Variants in TMEM132E observed in about 807,000 individuals in gnomAD.
TMEM132E encodes transmembrane protein 132E.
A neutral mutation model predicts 78.5 loss-of-function variants in TMEM132E; 49 were observed. That is an observed-to-expected ratio of 0.62 (90% confidence interval 0.50 to 0.79). TMEM132E has a LOEUF of 0.79. TMEM132E is among the 30% of genes least tolerant of loss of function. TMEM132E has a pLI of 0.00. For missense variants in TMEM132E, 1,403 were observed against 1,470.9 expected, an observed-to-expected ratio of 0.95 and a Z score of 0.75; for synonymous variants, 715 against 670.6, an observed-to-expected ratio of 1.07 and a Z score of -1.02.
In TMEM132E at chr17:34,626,260, G is replaced by T; in HGVS notation, c.201G>T (p.Ala67=). Residue 67 remains alanine, a synonymous_variant, in exon 2 of 9, where the codon GCG becomes GCT. Transcript: ENST00000631683. ...GGGAGGCGCGGCCCCCGTCACCCGCGGTCGCCAACAGCTCTCTGCAGCGCT... is the reference window on the plus strand; with the variant it reads ...GGGAGGCGCGGCCCCCGTCACCCGCTGTCGCCAACAGCTCTCTGCAGCGCT... ...FLREARPPSP[A]VANSSLQRSE... The T allele has an allele frequency of 6.2e-7, 1 of 1,603,462 alleles. No individual in the cohort carries two copies. Among genetic ancestry groups the T allele is most frequent in the South Asian group, 1.1e-5 (1 of 89,268 alleles).
chr17:34,623,407 C>T (rs567623120), intron 1 of TMEM132E, among the ~76,000 whole-genome samples: 4 of 150,606 alleles, frequency 2.7e-5, no homozygotes, highest in Non-Finnish European at 4.4e-5. Flanking sequence ...CCGCTCCCCC[C>T]CCCCCCCCCG....
intron 1 of TMEM132E, among the ~76,000 whole-genome samples, chr17:34,595,289 G>A (rs2142055398): frequency 6.6e-6 from 1 of 152,364 alleles, no homozygotes; most frequent in South Asian, 2.1e-4. Flanking sequence ...TTACCTGTAA[G>A]GTGGTCTATA....
rs115481499 is a variant in TMEM132E, at chr17:34,586,119, C to T, written c.67+4976C>T. 5.5e-3 allele frequency among the ~76,000 whole-genome samples: 836 copies of T among 152,112 alleles called. 10 individuals carry two copies. Among genetic ancestry groups the T allele is most frequent in the African/African-American group, 0.019 (802 of 41,474 alleles). ...CCTCATCTTTCTCTGTCAGAGCACA[C>T]GCCTCTCTCCCCAAGCACACGCCTC... is the stretch of plus-strand genomic sequence containing the variant. On this transcript the variant is annotated intron_variant, in intron 1 of 8. Coordinates refer to ENST00000631683, the MANE Select transcript of TMEM132E (RefSeq NM_001304438.2).
At chr17:34,608,505 C>T (rs946116274) in intron 1 of TMEM132E, among the ~76,000 whole-genome samples, 6 of 152,136 alleles carry the variant, frequency 3.9e-5, no homozygotes, top group East Asian at 1.9e-4. Flanking sequence ...GTGCTGTGGC[C>T]GTTATTATTG....
chr17:34,591,593 G>A (rs946839497), intron 1 of TMEM132E, among the ~76,000 whole-genome samples: 2 of 152,362 alleles, frequency 1.3e-5, no homozygotes, highest in Admixed American at 1.3e-4. Flanking sequence ...TTATAGGCAT[G>A]AGCCACCACA....
chr17:34,617,626 A>G lies in TMEM132E; in HGVS notation c.68-8501A>G, dbSNP rs570333680. Among the ~76,000 whole-genome samples, 181 of 152,344 alleles carry G rather than the reference A, an allele frequency of 1.2e-3. 1 individual carries two copies. The highest frequency in any genetic ancestry group is 1.9e-3 in the Non-Finnish European group (131 of 68,032). ...CTGTGAAATAGGTTCTAAGCTCTTC[A>G]TTTCACAGGTATGGAAATTGAGGCT... is the stretch of plus-strand genomic sequence containing the variant. On this transcript the variant is annotated intron_variant, in intron 1 of 8. Transcript: ENST00000631683.
chr17:34,616,245 C>G (rs578196874), intron 1 of TMEM132E, among the ~76,000 whole-genome samples: 1 of 152,210 alleles, frequency 6.6e-6, no homozygotes, highest in South Asian at 2.1e-4. Context: ...GGAGGGGCGC[C>G]CCTCCTGCTG....
In TMEM132E at chr17:34,598,638, T is replaced by C. The variant is rs117480679; in HGVS notation, c.67+17495T>C. On this transcript the variant is annotated intron_variant, in intron 1 of 8. Transcript: ENST00000631683. Reference sequence around the variant, plus strand: ...TTTGTCATCCTCCCTGCACTCCCTTTGATGTGCAGAAGGTGGAAGGAGGAG... The same window carrying C: ...TTTGTCATCCTCCCTGCACTCCCTTCGATGTGCAGAAGGTGGAAGGAGGAG... Among the ~76,000 whole-genome samples the C allele has an allele frequency of 5.1e-4, 77 of 152,326 alleles. 1 individual carries two copies. In the East Asian group the frequency reaches 0.014, roughly 28 times the overall value.
At chr17:34,624,912 T>C (rs901708261) in intron 1 of TMEM132E, among the ~76,000 whole-genome samples, 1 of 152,248 alleles carries the variant, frequency 6.6e-6, no homozygotes, top group African/African-American at 2.4e-5. Context: ...ATTACTGTTA[T>C]CATTGTCCTG....
chr17:34,596,973 G>C (rs756094269), intron 1 of TMEM132E, among the ~76,000 whole-genome samples: 19 of 151,150 alleles, frequency 1.3e-4, no homozygotes, highest in African/African-American at 4.6e-4. Flanking sequence ...CCATCCCACC[G>C]AGCATCCAGA....
chr17:34,615,966 A>G (rs1265788579), intron 1 of TMEM132E, among the ~76,000 whole-genome samples: 1 of 152,180 alleles, frequency 6.6e-6, no homozygotes, highest in African/African-American at 2.4e-5. Context: ...TCAGTGAAAA[A>G]GGGGCTATTC....
At chr17:34,596,453 G>A (rs1280867532) in intron 1 of TMEM132E, among the ~76,000 whole-genome samples, 2 of 152,214 alleles carry the variant, frequency 1.3e-5, no homozygotes, top group East Asian at 1.9e-4. Context: ...AATCCTCTAG[G>A]CCTCCAGCCC....
rs747755755 is a variant in TMEM132E, at chr17:34,638,166, C to T, written c.3159C>T (p.Gly1053=). The change falls in exon 9 of 9, where the codon GGC becomes GGT. Residue 1053 remains glycine, a synonymous_variant. Transcript: ENST00000631683. ...DLGWGCPDVA[G]PTRPTAPPDL... ...GTTGGGGCTGCCCGGATGTGGCGGG[C>T]CCCACGCGGCCCACTGCACCCCCGG... 6.3e-7 allele frequency: 1 copy of T among 1,593,594 alleles called. No individual in the cohort carries two copies. Among genetic ancestry groups the T allele is most frequent in the East Asian group, 2.3e-5 (1 of 43,626 alleles).
intron 1 of TMEM132E, among the ~76,000 whole-genome samples, chr17:34,585,789 G>C (rs1252370111): frequency 6.6e-6 from 1 of 152,206 alleles, no homozygotes; most frequent in Non-Finnish European, 1.5e-5. Flanking sequence ...CAAGTGCTAT[G>C]AAAGAAATGT....
At position 34,626,271 on chromosome 17, in the gene TMEM132E, G is replaced by A. The variant is rs942784325; in HGVS notation, c.212G>A (p.Ser71Asn). 5 of 1,607,050 alleles carry A rather than the reference G, an allele frequency of 3.1e-6. No individual in the cohort carries two copies. Among genetic ancestry groups the A allele is most frequent in the Non-Finnish European group, 3.4e-6 (4 of 1,177,290 alleles). The stretch of plus-strand genomic sequence containing the variant: ...CCCCCGTCACCCGCGGTCGCCAACA[G>A]CTCTCTGCAGCGCTCCGAGCCCTTC... ...ARPPSPAVAN[S>N]SLQRSEPFVV... Residue 71 changes from serine to asparagine, a missense_variant, in exon 2 of 9, where the codon AGC becomes AAC. Physicochemically the swap from Ser to Asn is conservative, Grantham distance 46 (BLOSUM62 1). Transcript: ENST00000631683.
At chr17:34,584,155 C>G (rs1377915538) in intron 1 of TMEM132E, among the ~76,000 whole-genome samples, 1 of 152,242 alleles carries the variant, frequency 6.6e-6, no homozygotes, top group African/African-American at 2.4e-5. Context: ...CATCCAAAGC[C>G]ATTTATGATC....
chr17:34,584,951 C>A (rs1905615399), intron 1 of TMEM132E, among the ~76,000 whole-genome samples: 1 of 152,172 alleles, frequency 6.6e-6, no homozygotes, highest in South Asian at 2.1e-4. Context: ...CGGGTTGTGT[C>A]CACACCCCTA....
chr17:34,584,856 G>T (rs1299379151), intron 1 of TMEM132E, among the ~76,000 whole-genome samples: 1 of 152,218 alleles, frequency 6.6e-6, no homozygotes, highest in Non-Finnish European at 1.5e-5. Context: ...TACAAATGTA[G>T]TGTCCAGGGT....
At chr17:34,601,953 G>C (rs1003995393) in intron 1 of TMEM132E, among the ~76,000 whole-genome samples, 18 of 152,236 alleles carry the variant, frequency 1.2e-4, no homozygotes, top group African/African-American at 4.3e-4. Flanking sequence ...AAGTTAGTGG[G>C]AGAGGGGGGA....
Sources: gnomAD v4.1 joint callset for allele counts (sites outside exome capture counted in the v4.1 genomes callset) on GRCh38, gnomAD v4.1.1 for gene constraint, MANE v1.5 for transcripts, NCBI Gene and HGNC (gene_info 2026-07-23, HGNC 2026-07-21) for gene names.